The following TRPV5 variants were observed in gnomAD, a reference collection of about 807,000 sequenced individuals.
TRPV5 encodes the protein calcium transport protein 2.
TRPV5 carries 66 observed loss-of-function variants against 74.1 expected under a neutral mutation model. The ratio of observed to expected loss-of-function variants is 0.89; its 90% CI spans 0.73 to 1.09. TRPV5 has a LOEUF of 1.09. Among genes scored for constraint, TRPV5 ranks in the 50% least tolerant of loss-of-function variants. The pLI is 0.00. For missense variants in TRPV5, 936 were observed against 930.4 expected, an observed-to-expected ratio of 1.01 and a Z score of -0.08; for synonymous variants, 399 against 360.7, an observed-to-expected ratio of 1.11 and a Z score of -1.20.
At position 142,914,685 on chromosome 7, in the gene TRPV5, G is replaced by C. The variant is rs781740854; in HGVS notation, c.1474C>G (p.Arg492Gly). The C allele has an allele frequency of 5.6e-6, 9 of 1,613,758 alleles. No individual in the cohort carries two copies. Among genetic ancestry groups the C allele is most frequent in the African/African-American group, 1.3e-5 (1 of 74,992 alleles). Residue 492 changes from arginine to glycine, a missense_variant, in exon 12 of 15, where the codon CGT becomes GGT. Physicochemically the swap from Arg to Gly is moderately radical, Grantham distance 125. Coordinates refer to ENST00000265310, the MANE Select transcript of TRPV5 (RefSeq NM_019841.7). ...ACCACAGCCATCAGCCAGCAGAAAC[G>C]CATTAGGTCTCCAAAAATCATCTGC... ...IQKMIFGDLMRFCWLMAVVIL... is the reference protein window; with the variant it reads ...IQKMIFGDLMGFCWLMAVVIL...
At position 142,930,470 on chromosome 7, in the gene TRPV5, T is replaced by C. The variant is rs990930777; in HGVS notation, c.129-24A>G. 5.1e-6 allele frequency: 8 copies of C among 1,578,424 alleles called. No homozygotes were observed. In the African/African-American group the frequency reaches 5.4e-5, roughly 11 times the overall value. On this transcript the variant is annotated intron_variant, in intron 1 of 14. Coordinates refer to ENST00000265310, the MANE Select transcript of TRPV5 (RefSeq NM_019841.7). ...TCCTGGGGAAAGGTGAACGTGAGTT[T>C]GGAAGAGACAGTCATAGCAGAATGA... is the stretch of plus-strand genomic sequence containing the variant.
chr7:142,929,937 C>T, intron 3 of TRPV5, 121 bp downstream of exon 3: 1 of 1,465,798 alleles, frequency 6.8e-7, no homozygotes, highest in South Asian at 1.2e-5. Flanking sequence ...CTCAACGGAG[C>T]CCATCCTCCT....
chr7:142,918,525 A>C (rs1007089746), intron 8 of TRPV5, among the ~76,000 whole-genome samples: 6 of 152,244 alleles, frequency 3.9e-5, no homozygotes, highest in African/African-American at 1.4e-4. Flanking sequence ...TCATCCTGAG[A>C]CTTATCTGTT....
At chr7:142,930,830 C>G (rs1796077367) in intron 1 of TRPV5, among the ~76,000 whole-genome samples, 1 of 152,108 alleles carries the variant, frequency 6.6e-6, no homozygotes, top group African/African-American at 2.4e-5. Flanking sequence ...GAGAGCGGGA[C>G]AGAGGGCACT....
intron 13 of TRPV5, among the ~76,000 whole-genome samples, chr7:142,911,482 C>T (rs1795703441): frequency 6.6e-6 from 1 of 152,210 alleles, no homozygotes; most frequent in Admixed American, 6.5e-5. Context: ...CCTTTGGGTT[C>T]TCATCTTAAA....
At chr7:142,929,176 G>A in intron 4 of TRPV5, 56 bp from the exon 5 acceptor site, 1 of 1,587,848 alleles carries the variant, frequency 6.3e-7, no homozygotes, top group Non-Finnish European at 8.6e-7. Flanking sequence ...GATGGGGTGG[G>A]CAGTCTCCCC....
At position 142,908,794 on chromosome 7, in the gene TRPV5, T is replaced by C. The variant is rs1419271434; in HGVS notation, c.1910A>G (p.Asn637Ser). The change falls in exon 15 of 15, where the codon AAT (asparagine) becomes AGT (serine). Residue 637 changes from asparagine to serine, a missense_variant. Physicochemically the swap from Asn to Ser is conservative, Grantham distance 46. Transcript: ENST00000265310. Reference protein sequence around the residue: ...DRWFLRVENHNDQNPLRVLRY... With the variant: ...DRWFLRVENHSDQNPLRVLRY... ...AAGCACTCGCAGAGGATTCTGATCATTGTGGTTCTCAACCCTGATAAGGGG... is the reference window on the plus strand; with the variant it reads ...AAGCACTCGCAGAGGATTCTGATCACTGTGGTTCTCAACCCTGATAAGGGG... 1 of 1,611,558 alleles carries C rather than the reference T, an allele frequency of 6.2e-7. No homozygotes were observed. The highest frequency in any genetic ancestry group is 8.5e-7 in the Non-Finnish European group (1 of 1,179,090).
chr7:142,924,057 C>T (rs998651290), intron 8 of TRPV5, among the ~76,000 whole-genome samples: 2 of 151,704 alleles, frequency 1.3e-5, no homozygotes, highest in African/African-American at 4.8e-5. Context: ...CCTAACTGTC[C>T]TTATTTTCCT....
intron 1 of TRPV5, 38 bp from the exon 2 acceptor site, chr7:142,930,484 A>G (rs768861375): frequency 2.6e-6 from 4 of 1,520,604 alleles, no homozygotes; most frequent in African/African-American, 1.4e-5. Context: ...AGAGACAGTC[A>G]TAGCAGAATG....
chr7:142,918,757 T>C (rs887886249), intron 8 of TRPV5, among the ~76,000 whole-genome samples: 1 of 152,134 alleles, frequency 6.6e-6, no homozygotes, highest in Non-Finnish European at 1.5e-5. Flanking sequence ...GAGTAAGACA[T>C]GGGTGAGAAA....
chr7:142,912,840 C>CTATT, intron 12 of TRPV5, 90 bp from the exon 13 acceptor site: 1 of 755,366 alleles, frequency 1.3e-6, no homozygotes, highest in Admixed American at 2.9e-5. Context: ...TATCTCTGAT[C>CTATT]TATCTATCTA....
intron 13 of TRPV5, 96 bp from the exon 14 acceptor site, chr7:142,909,692 G>T: frequency 7.6e-7 from 1 of 1,319,274 alleles, no homozygotes; most frequent in Non-Finnish European, 1.1e-6. Context: ...AAGGCAATCT[G>T]TGAGATAGGA....
At position 142,915,066 on chromosome 7, in the gene TRPV5, A is replaced by G. The variant is rs927400630; in HGVS notation, c.1287-20T>C. 3.5e-5 allele frequency: 57 copies of G among 1,611,350 alleles called. No individual in the cohort carries two copies. The highest frequency in any genetic ancestry group is 4.8e-5 in the Non-Finnish European group (56 of 1,178,646). ...GTGATGCTGGGGGAGCAGAAAGCAG[A>G]GAGTGAGAGACAAGCTGGAACTATT... On this transcript the variant is annotated intron_variant, in intron 10 of 14. Transcript: ENST00000265310.
At chr7:142,925,766 T>C in intron 7 of TRPV5, 25 bp from the exon 8 acceptor site, 2 of 1,603,700 alleles carry the variant, frequency 1.2e-6, no homozygotes, top group Non-Finnish European at 1.7e-6. Flanking sequence ...GAGTGAAACT[T>C]GGGGTGACCA....
At chr7:142,921,343 G>A (rs754200689) in intron 8 of TRPV5, among the ~76,000 whole-genome samples, 4 of 152,110 alleles carry the variant, frequency 2.6e-5, no homozygotes, top group African/African-American at 7.2e-5. Context: ...GTGCAATGGC[G>A]TGATCTCGGC....
At chr7:142,912,900 G>A (rs979324356) in intron 12 of TRPV5, 150 bp from the exon 13 acceptor site, 2 of 873,956 alleles carry the variant, frequency 2.3e-6, no homozygotes, top group African/African-American at 3.4e-5. Context: ...TTGCACACAT[G>A]CACAGATAAT....
chr7:142,933,296 C>T (rs763737332), intron 1 of TRPV5, 36 bp downstream of exon 1: 26 of 1,608,162 alleles, frequency 1.6e-5, no homozygotes, highest in South Asian at 4.4e-5. Context: ...CTGAGGATCA[C>T]GGCGGTAGGG....
Position 142,929,566 on chromosome 7 carries a change from C to A in TRPV5, c.350-1G>T. ...ACAGCGATGTGCAGTGCAGTCTGAC[C>A]TGGCCCAGAGACAGCCATCATCAGG... is the stretch of plus-strand genomic sequence containing the variant. On this transcript the variant is annotated splice_acceptor_variant, in intron 3 of 14. Coordinates refer to ENST00000265310, the MANE Select transcript of TRPV5 (RefSeq NM_019841.7). LOFTEE classifies it high-confidence loss of function. 1 of 1,612,730 alleles carries A rather than the reference C, an allele frequency of 6.2e-7. No individual in the cohort carries two copies. Among genetic ancestry groups the A allele is most frequent in the Non-Finnish European group, 8.5e-7 (1 of 1,178,882 alleles).
chr7:142,925,671 G>A lies in TRPV5; in HGVS notation c.980C>T (p.Pro327Leu), dbSNP rs186613096. The change falls in exon 8 of 15, where the codon CCG (proline) becomes CTG (leucine). Residue 327 changes from proline to leucine, a missense_variant. Physicochemically the swap from Pro to Leu is moderately conservative, Grantham distance 98. Coordinates refer to ENST00000265310, the MANE Select transcript of TRPV5 (RefSeq NM_019841.7). ...CAAGGCAGCCAGGATGCAGAAGTAC[G>A]GCCGGCCATACTTGTTCCACTTGAA... ...VSFKWNKYGR[P>L]YFCILAALYL... 29 of 1,613,990 alleles carry A rather than the reference G, an allele frequency of 1.8e-5. No individual in the cohort carries two copies. In the East Asian group the frequency reaches 5.3e-4, roughly 30 times the overall value.
Sources: allele counts gnomAD v4.1 joint callset (sites outside exome capture counted in the v4.1 genomes callset), GRCh38; gene constraint gnomAD v4.1.1; transcripts MANE v1.5; gene names NCBI Gene and HGNC (gene_info 2026-07-23, HGNC 2026-07-21).